DCC: variants seen among roughly 807,000 people sequenced by gnomAD.
The protein encoded by DCC is DCC netrin 1 receptor.
DCC carries 58 observed loss-of-function variants against 172.5 expected under a neutral mutation model. The observed-to-expected ratio is 0.34, with a 90% CI of 0.27 to 0.42. The LOEUF (loss-of-function observed/expected upper bound fraction) is 0.42, where lower values mean the gene tolerates loss of function less well. Ranked by LOEUF, DCC falls within the 10% of genes least tolerant of loss-of-function variation. DCC has a pLI of 1.00. For missense variants in DCC, 1,740 were observed against 1,791.0 expected, an observed-to-expected ratio of 0.97 and a Z score of 0.51; for synonymous variants, 709 against 644.5, an observed-to-expected ratio of 1.10 and a Z score of -1.52.
At chr18:53,326,508 A>G (rs1345361668) in intron 14 of DCC, among the ~76,000 whole-genome samples, 2 of 152,200 alleles carry the variant, frequency 1.3e-5, no homozygotes, top group Non-Finnish European at 2.9e-5. Flanking sequence ...TCATATATTA[A>G]AAAGTGTAAC....
chr18:52,974,897 A>G (rs1242439236), intron 5 of DCC, among the ~76,000 whole-genome samples: 1 of 152,250 alleles, frequency 6.6e-6, no homozygotes, highest in Non-Finnish European at 1.5e-5. Flanking sequence ...GTTAGGTCAC[A>G]TACAAAACAC....
At chr18:52,431,930 TC>T (rs1393196413) in intron 1 of DCC, among the ~76,000 whole-genome samples, 3 of 152,118 alleles carry the variant, frequency 2.0e-5, no homozygotes, top group African/African-American at 7.2e-5. Flanking sequence ...AGAGAAATCA[TC>T]CCTCAGACTC....
At chr18:52,634,082 A>G (rs2034728630) in intron 1 of DCC, among the ~76,000 whole-genome samples, 1 of 152,226 alleles carries the variant, frequency 6.6e-6, no homozygotes, top group Non-Finnish European at 1.5e-5. Context: ...CACTCTCTTC[A>G]GCATTAAACA....
intron 1 of DCC, among the ~76,000 whole-genome samples, chr18:52,612,007 C>T (rs1365094893): frequency 3.3e-5 from 5 of 152,056 alleles, no homozygotes; most frequent in African/African-American, 1.2e-4. Context: ...TAAGTATATG[C>T]TTTTCCCTAC....
intron 21 of DCC, among the ~76,000 whole-genome samples, chr18:53,417,538 A>C (rs1386905760): frequency 6.6e-6 from 1 of 152,232 alleles, no homozygotes. Context: ...CCAAATCTGG[A>C]ATAGTTAATA....
At chr18:52,794,141 G>A (rs2037826887) in intron 2 of DCC, among the ~76,000 whole-genome samples, 1 of 151,882 alleles carries the variant, frequency 6.6e-6, no homozygotes, top group African/African-American at 2.4e-5. Flanking sequence ...AATCTTTTGT[G>A]TTTCCACATA....
intron 27 of DCC, among the ~76,000 whole-genome samples, chr18:53,508,140 G>A (rs951967778): frequency 3.9e-5 from 6 of 151,944 alleles, no homozygotes; most frequent in East Asian, 1.9e-4. Context: ...TGATCTGCCC[G>A]CCTCGGCCTC....
chr18:52,607,439 T>A (rs552781198), intron 1 of DCC, among the ~76,000 whole-genome samples: 8 of 152,254 alleles, frequency 5.3e-5, no homozygotes, highest in African/African-American at 1.9e-4. Flanking sequence ...TTGGGCAAAG[T>A]CTAAAGGTAA....
intron 7 of DCC, among the ~76,000 whole-genome samples, chr18:53,117,557 G>A (rs1225501870): frequency 4.0e-5 from 6 of 151,692 alleles, no homozygotes; most frequent in Non-Finnish European, 1.5e-5. Context: ...TCCATCTGCT[G>A]CTTATATGCA....
At chr18:52,908,079 A>T (rs2039916718) in intron 3 of DCC, among the ~76,000 whole-genome samples, 1 of 152,202 alleles carries the variant, frequency 6.6e-6, no homozygotes, top group African/African-American at 2.4e-5. Context: ...CACTGGAGAA[A>T]TTGGAACTGA....
At chr18:52,492,111 G>A (rs146464425) in intron 1 of DCC, among the ~76,000 whole-genome samples, 104 of 151,974 alleles carry the variant, frequency 6.8e-4, no homozygotes, top group African/African-American at 2.3e-3. Context: ...CAAATGAGAG[G>A]GTGGTGAAAT....
intron 11 of DCC, among the ~76,000 whole-genome samples, chr18:53,211,581 G>A (rs1181707354): frequency 2.0e-5 from 3 of 152,138 alleles, no homozygotes; most frequent in Non-Finnish European, 4.4e-5. Context: ...AGAATTAGCT[G>A]GGCGTGGTGG....
chr18:52,412,186 A>G (rs1986866499), intron 1 of DCC, among the ~76,000 whole-genome samples: 2 of 152,116 alleles, frequency 1.3e-5, no homozygotes, highest in African/African-American at 4.8e-5. Flanking sequence ...GTTTTTACAC[A>G]TATGTGAGTG....
chr18:52,826,065 G>A (rs1304281470), intron 2 of DCC, among the ~76,000 whole-genome samples: 1 of 152,084 alleles, frequency 6.6e-6, no homozygotes, highest in African/African-American at 2.4e-5. Flanking sequence ...AAAATGTGTT[G>A]GTTATAGCCC....
chr18:52,925,375 G>GT lies in DCC; in HGVS notation c.985+7dup. ...CTGCAGAGCTCACAGTCTTGGGTAA[G>GT]TTAGTGGCTGGAGATGAGTTTATAT... On this transcript the variant is annotated splice_donor_region_variant and intron_variant, in intron 5 of 28. Coordinates refer to ENST00000442544, the MANE Select transcript of DCC (RefSeq NM_005215.4). 6.2e-7 allele frequency: 1 copy of GT among 1,611,904 alleles called. No individual in the cohort carries two copies.
chr18:53,405,876 A>G (rs568867939), intron 19 of DCC, among the ~76,000 whole-genome samples: 127 of 152,342 alleles, frequency 8.3e-4, no homozygotes, highest in African/African-American at 2.7e-3. Context: ...GAAGTGGCAG[A>G]GCTAGGATTT....
intron 1 of DCC, among the ~76,000 whole-genome samples, chr18:52,439,177 TGTG>T: frequency 6.7e-6 from 1 of 148,634 alleles, no homozygotes; most frequent in East Asian, 2.0e-4. Context: ...ATATGTTTTG[TGTG>T]TGTGTGTGTG....
chr18:52,816,296 G>A (rs2038295628), intron 2 of DCC, among the ~76,000 whole-genome samples: 1 of 152,148 alleles, frequency 6.6e-6, no homozygotes, highest in Non-Finnish European at 1.5e-5. Context: ...ATACTGAACT[G>A]AAGGAACTTA....
intron 22 of DCC, among the ~76,000 whole-genome samples, chr18:53,443,890 GA>G (rs1452002289): frequency 6.6e-6 from 1 of 152,204 alleles, no homozygotes; most frequent in East Asian, 1.9e-4. Context: ...GAAATAGCAA[GA>G]GAGCCAGAAT....
Sources: gnomAD v4.1 joint callset for allele counts (sites outside exome capture counted in the v4.1 genomes callset) on GRCh38, gnomAD v4.1.1 for gene constraint, MANE v1.5 for transcripts, NCBI Gene and HGNC (gene_info 2026-07-23, HGNC 2026-07-21) for gene names.